RALYL: variants seen among roughly 807,000 people sequenced by gnomAD.
RALYL encodes the protein RALY RNA binding protein like, also known as RNA-binding Raly-like protein.
A neutral mutation model predicts 35.1 loss-of-function variants in RALYL; 29 were observed. The ratio of observed to expected loss-of-function variants is 0.83; its 90% confidence interval spans 0.61 to 1.13. RALYL has a LOEUF of 1.13. Ranked by LOEUF, RALYL falls within the 50% of genes most tolerant of loss-of-function variation. RALYL has a pLI of 0.00. For synonymous variants in RALYL, 120 were observed against 127.6 expected, an observed-to-expected ratio of 0.94 and a Z score of 0.40; for missense variants, 359 against 360.4, an observed-to-expected ratio of 1.00 and a Z score of 0.03.
chr8:84,775,844 G>T (rs1033285969), intron 3 of RALYL, among the ~76,000 whole-genome samples: 1 of 152,142 alleles, frequency 6.6e-6, no homozygotes, highest in African/African-American at 2.4e-5. Context: ...TAAACCATAT[G>T]TCCCACTTCA....
At chr8:84,772,076 A>G (rs762671480) in intron 2 of RALYL, among the ~76,000 whole-genome samples, 2 of 151,994 alleles carry the variant, frequency 1.3e-5, no homozygotes, top group East Asian at 1.9e-4. Flanking sequence ...TGGATAACCA[A>G]TCATTCCATC....
intron 1 of RALYL, among the ~76,000 whole-genome samples, chr8:84,223,154 TTTCTTTCC>T (rs1822803443): frequency 7.7e-6 from 1 of 130,496 alleles, no homozygotes; most frequent in Non-Finnish European, 1.6e-5. Context: ...TTTCCTTTCC[TTTCTTTCC>T]TTCCTCCCTT....
intron 1 of RALYL, among the ~76,000 whole-genome samples, chr8:84,522,032 A>G (rs1241112837): frequency 3.3e-5 from 5 of 152,044 alleles, no homozygotes; most frequent in Non-Finnish European, 7.4e-5. Context: ...TAATTTTAAT[A>G]AATTTTGATG....
intron 2 of RALYL, chr8:84,679,652 G>A: frequency 2.0e-6 from 1 of 491,042 alleles, no homozygotes; most frequent in Middle Eastern, 5.6e-4. Context: ...TGCTGGAGGT[G>A]ACAATGAAGT....
At chr8:84,408,857 T>G (rs1215902055) in intron 1 of RALYL, among the ~76,000 whole-genome samples, 1 of 152,140 alleles carries the variant, frequency 6.6e-6, no homozygotes, top group Non-Finnish European at 1.5e-5. Context: ...TTTAACTAGA[T>G]TTTCCATATT....
intron 1 of RALYL, among the ~76,000 whole-genome samples, chr8:84,469,496 C>A (rs1220564066): frequency 2.1e-4 from 32 of 152,144 alleles, no homozygotes; most frequent in Non-Finnish European, 3.5e-4. Context: ...GGCAGTCTGC[C>A]CGTCCTGAGA....
At chr8:84,595,170 AAAT>A in intron 2 of RALYL, among the ~76,000 whole-genome samples, 1 of 152,144 alleles carries the variant, frequency 6.6e-6, no homozygotes, top group Non-Finnish European at 1.5e-5. Flanking sequence ...AACTCCATAA[AAAT>A]AATAATTCTG....
chr8:84,812,183 C>A (rs991236565), intron 4 of RALYL, among the ~76,000 whole-genome samples: 3 of 152,144 alleles, frequency 2.0e-5, no homozygotes, highest in Non-Finnish European at 2.9e-5. Context: ...TTTTGTCCCA[C>A]AGGGAGTTCT....
chr8:84,678,641 T>G (rs1199757268), intron 2 of RALYL, among the ~76,000 whole-genome samples: 3 of 152,164 alleles, frequency 2.0e-5, no homozygotes, highest in African/African-American at 7.2e-5. Context: ...TCAGAAAAAT[T>G]GTACAAACCT....
chr8:84,271,014 G>A (rs1834206568), intron 1 of RALYL, among the ~76,000 whole-genome samples: 1 of 151,438 alleles, frequency 6.6e-6, no homozygotes, highest in Admixed American at 6.6e-5. Context: ...TGCAAATTAT[G>A]GATTTTTTTA....
At position 84,578,078 on chromosome 8, in the gene RALYL, C is replaced by T. The variant is rs544091351; in HGVS notation, c.256+48501C>T. 9.2e-5 allele frequency among the ~76,000 whole-genome samples: 14 copies of T among 152,322 alleles called. 1 individual carries two copies. Among genetic ancestry groups the T allele is most frequent in the Admixed American group, 3.9e-4 (6 of 15,304 alleles). On this transcript the variant is annotated intron_variant, in intron 2 of 8. Coordinates refer to ENST00000521268, the MANE Select transcript of RALYL (RefSeq NM_173848.7). ...CATCTCATGCCACCAGTCCAGATCC[C>T]ATGCCTGCCAAGGGTGAGCCAGGCA...
chr8:84,793,311 C>T (rs765169130), intron 3 of RALYL, among the ~76,000 whole-genome samples: 11 of 152,104 alleles, frequency 7.2e-5, no homozygotes, highest in African/African-American at 9.7e-5. Flanking sequence ...GAGGAAGCAA[C>T]TAGTGAGGTA....
chr8:84,539,959 T>C (rs919064745), intron 2 of RALYL, among the ~76,000 whole-genome samples: 2 of 149,020 alleles, frequency 1.3e-5, no homozygotes, highest in Middle Eastern at 3.2e-3. Context: ...AATTTACATG[T>C]AATTAAACGT....
At chr8:84,272,496 G>A (rs181254200) in intron 1 of RALYL, among the ~76,000 whole-genome samples, 116 of 152,294 alleles carry the variant, frequency 7.6e-4, no homozygotes, top group Non-Finnish European at 6.3e-4. Context: ...TCAGAAAGTG[G>A]CATTTTTTAA....
At chr8:84,362,830 C>G (rs1410030961) in intron 1 of RALYL, among the ~76,000 whole-genome samples, 2 of 151,992 alleles carry the variant, frequency 1.3e-5, no homozygotes, top group Non-Finnish European at 2.9e-5. Context: ...ATATTGAAGG[C>G]TTTCTTATTT....
chr8:84,635,360 A>G (rs1824838218), intron 2 of RALYL, among the ~76,000 whole-genome samples: 2 of 151,698 alleles, frequency 1.3e-5, no homozygotes, highest in Admixed American at 1.3e-4. Context: ...TAGAAGAACT[A>G]TTTCCAGGTT....
At chr8:84,303,652 C>G (rs1841233875) in intron 1 of RALYL, among the ~76,000 whole-genome samples, 1 of 152,158 alleles carries the variant, frequency 6.6e-6, no homozygotes, top group African/African-American at 2.4e-5. Flanking sequence ...TCAGTAAAGG[C>G]AGAGTTCTTG....
chr8:84,899,397 A>AT (rs1845292612), intron 8 of RALYL, among the ~76,000 whole-genome samples: 1 of 152,026 alleles, frequency 6.6e-6, no homozygotes, highest in Non-Finnish European at 1.5e-5. Context: ...AGTGCTTAGC[A>AT]TATGTTAATG....
At chr8:84,617,619 C>G (rs1349358310) in intron 2 of RALYL, among the ~76,000 whole-genome samples, 2 of 148,894 alleles carry the variant, frequency 1.3e-5, no homozygotes, top group Non-Finnish European at 1.5e-5. Flanking sequence ...GCCAGAACTT[C>G]CAACACTATG....
Sources: gnomAD v4.1 joint callset for allele counts (sites outside exome capture counted in the v4.1 genomes callset) on GRCh38, gnomAD v4.1.1 for gene constraint, MANE v1.5 for transcripts, NCBI Gene and HGNC (gene_info 2026-07-23, HGNC 2026-07-21) for gene names.